Variants in RASEF observed in about 807,000 individuals in gnomAD.
RASEF encodes the protein RAS and EF-hand domain containing, also known as ras and EF-hand domain-containing protein.
Under a neutral mutation model 90.1 loss-of-function variants are expected in RASEF, and 68 were observed. The observed-to-expected ratio is 0.75, with a 90% CI of 0.62 to 0.92. The LOEUF (loss-of-function observed/expected upper bound fraction) is 0.92, where lower values mean the gene tolerates loss of function less well. Among genes scored for constraint, RASEF ranks in the 40% least tolerant of loss-of-function variants. The probability of loss-of-function intolerance (pLI) is 0.00; values close to 1 mark genes in which losing one functional copy is unlikely to be tolerated. For synonymous variants in RASEF, 331 were observed against 345.2 expected (o/e 0.96, Z 0.46); for missense variants, 949 against 937.2 (o/e 1.01, Z -0.16).
chr9:83,009,591 A>T (rs768798706), intron 6 of RASEF, 50 bp downstream of exon 6: 11 of 1,017,942 alleles, frequency 1.1e-5, no homozygotes, highest in South Asian at 8.8e-5. Context: ...TGCCTGGATG[A>T]TCATCTCAAT....
the RASEF span, among the ~76,000 whole-genome samples, chr9:83,167,792 G>C: frequency 2.6e-5 from 4 of 151,936 alleles, no homozygotes; most frequent in Non-Finnish European, 4.4e-5. Flanking sequence ...TTTGTGACTG[G>C]GCTCTCTGAC....
the RASEF span, among the ~76,000 whole-genome samples, chr9:83,166,487 G>C: frequency 5.3e-5 from 8 of 152,098 alleles, no homozygotes; most frequent in Non-Finnish European, 1.2e-4. Flanking sequence ...AGTCTTCTCT[G>C]AACAACCAAC....
At chr9:83,169,360 C>T in the RASEF span, among the ~76,000 whole-genome samples, 1 of 46,228 alleles carries the variant, frequency 2.2e-5, no homozygotes, top group Non-Finnish European at 4.9e-5. Flanking sequence ...TACACACACA[C>T]ACACACACAC....
chr9:83,171,304 T>C, the RASEF span, among the ~76,000 whole-genome samples: 1 of 151,970 alleles, frequency 6.6e-6, no homozygotes, highest in African/African-American at 2.4e-5. Context: ...ATAATCTTTT[T>C]AATGTGTGGT....
intron 1 of RASEF, among the ~76,000 whole-genome samples, chr9:83,058,671 G>A (rs1167580811): frequency 2.0e-5 from 3 of 152,144 alleles, no homozygotes; most frequent in Non-Finnish European, 2.9e-5. Context: ...CTGAAACTTC[G>A]CCTCTGCCTA....
intron 1 of RASEF, among the ~76,000 whole-genome samples, chr9:83,027,728 T>A (rs1199469320): frequency 6.6e-6 from 1 of 152,194 alleles, no homozygotes; most frequent in South Asian, 2.1e-4. Context: ...AAGAGCTGAT[T>A]CACCGACAGG....
chr9:83,204,041 G>A, the RASEF span, among the ~76,000 whole-genome samples: 1 of 152,200 alleles, frequency 6.6e-6, no homozygotes, highest in Non-Finnish European at 1.5e-5. Context: ...GCTTAAGGGG[G>A]ACAAGGCAGT....
At chr9:83,055,877 A>C (rs1830094677) in intron 1 of RASEF, among the ~76,000 whole-genome samples, 2 of 152,252 alleles carry the variant, frequency 1.3e-5, no homozygotes, top group African/African-American at 4.8e-5. Flanking sequence ...TCCATAGTCC[A>C]GAATGAGTGG....
the RASEF span, among the ~76,000 whole-genome samples, chr9:83,171,151 C>T: frequency 2.0e-5 from 3 of 151,650 alleles, no homozygotes; most frequent in Non-Finnish European, 1.5e-5. Context: ...TATTAAATTT[C>T]ATTGAGTGAT....
At chr9:83,055,448 A>G (rs1320579328) in intron 1 of RASEF, 5 of 639,456 alleles carry the variant, frequency 7.8e-6, no homozygotes, top group East Asian at 2.9e-5. Context: ...ACTGTCTCGC[A>G]CTCCGTAGTG....
At chr9:83,083,130 A>AT in the RASEF span, among the ~76,000 whole-genome samples, 1 of 152,048 alleles carries the variant, frequency 6.6e-6, no homozygotes, top group Admixed American at 6.6e-5. Context: ...CAATTGTTAT[A>AT]TTTTTTCTAG....
the RASEF span, among the ~76,000 whole-genome samples, chr9:83,140,876 C>T: frequency 6.6e-6 from 1 of 152,028 alleles, no homozygotes; most frequent in Non-Finnish European, 1.5e-5. Context: ...TAGATAGGGG[C>T]TCATGGCTGT....
the RASEF span, among the ~76,000 whole-genome samples, chr9:83,169,537 C>T: frequency 1.2e-4 from 18 of 151,950 alleles, no homozygotes; most frequent in South Asian, 2.3e-3. Context: ...TCCATATCCT[C>T]GACAGCATTT....
the RASEF span, among the ~76,000 whole-genome samples, chr9:83,129,326 G>A: frequency 2.0e-5 from 3 of 151,686 alleles, no homozygotes; most frequent in Non-Finnish European, 4.4e-5. Context: ...AGAATGGCAT[G>A]AGCCCGGGAG....
chr9:83,135,800 A>G, the RASEF span, among the ~76,000 whole-genome samples: 4 of 152,134 alleles, frequency 2.6e-5, no homozygotes, highest in African/African-American at 9.7e-5. Flanking sequence ...ATGTTAGAGG[A>G]GAATAGGCTT....
the RASEF span, among the ~76,000 whole-genome samples, chr9:83,095,967 A>G: frequency 6.6e-6 from 1 of 152,138 alleles, no homozygotes; most frequent in Non-Finnish European, 1.5e-5. Flanking sequence ...ATGCCAGCAC[A>G]TGGATTCCTG....
the RASEF span, among the ~76,000 whole-genome samples, chr9:83,144,417 A>AAAGAAAGAAAGAAAGAAAGAAAG: frequency 5.2e-5 from 7 of 135,796 alleles, no homozygotes; most frequent in Non-Finnish European, 9.7e-5. Flanking sequence ...AGAAAGAAAG[A>AAAGAAAGAAAGAAAGAAAGAAAG]AAAGAAAAGA....
intron 1 of RASEF, chr9:83,049,246 C>G: frequency 1.2e-6 from 1 of 860,056 alleles, no homozygotes; most frequent in Non-Finnish European, 1.4e-6. Flanking sequence ...CCAACAGCAT[C>G]AGTACATTTC....
At chr9:82,994,534 G>A (rs1220630374) in intron 14 of RASEF, among the ~76,000 whole-genome samples, 1 of 152,028 alleles carries the variant, frequency 6.6e-6, no homozygotes, top group Non-Finnish European at 1.5e-5. Context: ...ATCTATGTTT[G>A]CTGCTTTTCA....
Sources: allele counts gnomAD v4.1 joint callset (sites outside exome capture counted in the v4.1 genomes callset), GRCh38; gene constraint gnomAD v4.1.1; transcripts MANE v1.5; gene names NCBI Gene and HGNC (gene_info 2026-07-23, HGNC 2026-07-21).